The following PSME4 variants were observed in gnomAD, a reference collection of about 807,000 sequenced individuals.
The protein encoded by PSME4 is proteasome activator complex subunit 4.
PSME4 carries 89 observed loss-of-function variants against 253.9 expected under a neutral mutation model. The ratio of observed to expected loss-of-function variants is 0.35; its 90% confidence interval spans 0.30 to 0.42. PSME4 has a LOEUF of 0.42. Ranked by LOEUF, PSME4 falls within the 10% of genes least tolerant of loss-of-function variation. The pLI, the probability that PSME4 is intolerant of heterozygous loss-of-function variation, is 1.00. For synonymous variants in PSME4, 851 were observed against 759.2 expected (o/e 1.12, Z -1.99); for missense variants, 2,014 against 2,195.2 (o/e 0.92, Z 1.65).
intron 18 of PSME4, among the ~76,000 whole-genome samples, chr2:53,920,593 AC>A (rs772848239): frequency 1.3e-5 from 2 of 152,234 alleles, no homozygotes. Flanking sequence ...TAAGAGTGAT[AC>A]TGTAAGAGTG....
intron 1 of PSME4, among the ~76,000 whole-genome samples, chr2:53,952,969 T>C (rs1033732079): frequency 1.3e-5 from 2 of 152,332 alleles, no homozygotes; most frequent in African/African-American, 2.4e-5. Flanking sequence ...GACAACTGTA[T>C]ATTTAACATT....
intron 9 of PSME4, 110 bp downstream of exon 9, chr2:53,932,557 TA>T: frequency 1.1e-6 from 1 of 885,820 alleles, no homozygotes; most frequent in Non-Finnish European, 1.9e-6. Flanking sequence ...TACATATAGC[TA>T]AAGCTATGAA....
chr2:53,922,576 C>G lies in PSME4; in HGVS notation c.1987G>C (p.Val663Leu), dbSNP rs770492952. The change falls in exon 17 of 47, where the codon GTA (valine) becomes CTA (leucine). Residue 663 changes from valine to leucine, a missense_variant. Val to Leu is a conservative substitution (Grantham distance 32). This residue lies in a region of PSME4 where 989 missense variants were observed against 1,021.1 expected (regional missense o/e 0.97). Coordinates refer to ENST00000404125, the MANE Select transcript of PSME4 (RefSeq NM_014614.3). Reference protein sequence around the residue: ...VITQLTMNDDVLNDEELDKEL... With the variant: ...VITQLTMNDDLLNDEELDKEL... ...TTGTCTAGCTCTTCATCATTTAATA[C>G]ATCATCATCTAAAAACAGCAAAATA... The G allele has an allele frequency of 6.2e-7, 1 of 1,612,236 alleles. No homozygotes were observed. Among genetic ancestry groups the G allele is most frequent in the Non-Finnish European group, 8.5e-7 (1 of 1,179,366 alleles).
At position 53,948,512 on chromosome 2, in the gene PSME4, C is replaced by A; in HGVS notation, c.409G>T (p.Asp137Tyr). 6.2e-7 allele frequency: 1 copy of A among 1,612,770 alleles called. No individual in the cohort carries two copies. Among genetic ancestry groups the A allele is most frequent in the South Asian group, 1.1e-5 (1 of 91,030 alleles). ...AGTGGTCTCCAGGGTAACTCCAAAT[C>A]AGCTCTTGAAAGAAGTTCCTTTTTC... The part of the protein sequence containing the change: ...LKKKELLSRA[D>Y]LELPWRPLYD... The change falls in exon 3 of 47, where the codon GAT becomes TAT. Residue 137 changes from aspartate to tyrosine, a missense_variant. By Grantham distance (160) the Asp-to-Tyr change is radical (BLOSUM62 -3). Transcript: ENST00000404125.
At chr2:53,874,196 G>T in intron 43 of PSME4, 143 bp downstream of exon 43, 1 of 797,396 alleles carries the variant, frequency 1.3e-6, no homozygotes, top group African/African-American at 1.7e-5. Context: ...CTGGCATCAA[G>T]TGATCTCACT....
At chr2:53,895,779 G>A (rs749133925) in intron 32 of PSME4, 43 bp from the exon 33 acceptor site, 10 of 1,502,222 alleles carry the variant, frequency 6.7e-6, no homozygotes, top group Middle Eastern at 1.8e-4. Flanking sequence ...AAAAATATTC[G>A]CCCAACAATT....
At chr2:53,872,726 A>G (rs867947580) in intron 43 of PSME4, among the ~76,000 whole-genome samples, 2 of 137,742 alleles carry the variant, frequency 1.5e-5, no homozygotes, top group Non-Finnish European at 3.1e-5. Flanking sequence ...TGGACAACAA[A>G]GCAAGACTTG....
At chr2:53,898,240 G>C in intron 30 of PSME4, 61 bp downstream of exon 30, 1 of 1,456,732 alleles carries the variant, frequency 6.9e-7, no homozygotes, top group Non-Finnish European at 9.4e-7. Flanking sequence ...CTTCCATGTA[G>C]AAAACTCCTA....
chr2:53,892,723 C>G, intron 36 of PSME4, 85 bp downstream of exon 36: 1 of 1,201,360 alleles, frequency 8.3e-7, no homozygotes, highest in South Asian at 1.7e-5. Context: ...TTTTAATTAT[C>G]AGTATCTAAT....
intron 4 of PSME4, among the ~76,000 whole-genome samples, chr2:53,938,297 G>C (rs1294513259): frequency 6.6e-6 from 1 of 152,094 alleles, no homozygotes; most frequent in Non-Finnish European, 1.5e-5. Context: ...GGAACACAGA[G>C]TCCTCCCCTA....
At chr2:53,882,017 A>G (rs1679411557) in intron 41 of PSME4, among the ~76,000 whole-genome samples, 1 of 151,640 alleles carries the variant, frequency 6.6e-6, no homozygotes, top group Non-Finnish European at 1.5e-5. Flanking sequence ...AAGTTTATAT[A>G]TAGATATATA....
At chr2:53,903,648 C>T (rs1680513934) in intron 27 of PSME4, among the ~76,000 whole-genome samples, 1 of 152,094 alleles carries the variant, frequency 6.6e-6, no homozygotes, top group Non-Finnish European at 1.5e-5. Context: ...TCTTTCATCC[C>T]TCTCTCCCAT....
At position 53,940,066 on chromosome 2, in the gene PSME4, T is replaced by G. The variant is rs1669319429; in HGVS notation, c.501-66A>C. 9.3e-6 allele frequency: 11 copies of G among 1,183,822 alleles called. No homozygotes were observed. The South Asian group carries it at 1.7e-4, about 18-fold the overall frequency. The allele number at this position is 1,183,822 out of a possible 1,614,324, so 73.3% of individuals were successfully genotyped here. ...TTAAGAACATATCTAATTCAATTAA[T>G]AAATATCTATAAGATAACCTCACAC... On this transcript the variant is annotated intron_variant, in intron 3 of 46. Coordinates refer to ENST00000404125, the MANE Select transcript of PSME4 (RefSeq NM_014614.3).
Position 53,943,730 on chromosome 2 carries a change from T to A in PSME4, c.501-3730A>T, listed in dbSNP as rs190788509. Reference sequence around the variant, plus strand: ...GGTGGCGCACACCTGTAATCCCAGCTACTCAGGAGACTGAGGCAGAAGAAT... The same window carrying A: ...GGTGGCGCACACCTGTAATCCCAGCAACTCAGGAGACTGAGGCAGAAGAAT... On this transcript the variant is annotated intron_variant, in intron 3 of 46. Coordinates refer to ENST00000404125, the MANE Select transcript of PSME4 (RefSeq NM_014614.3). Among the ~76,000 whole-genome samples the A allele has an allele frequency of 9.2e-4, 139 of 150,688 alleles. 1 individual carries two copies. The highest frequency in any genetic ancestry group is 4.6e-3 in the South Asian group (22 of 4,790).
rs1558665638 is a variant in PSME4 at position 53,901,472 on chromosome 2, C to T, written c.3163G>A (p.Ala1055Thr). ...TGGCTAAGCCCTGAAGAAACAATCGCTGGCCACGTCTGTACAATACAGTCC... is the reference window on the plus strand; with the variant it reads ...TGGCTAAGCCCTGAAGAAACAATCGTTGGCCACGTCTGTACAATACAGTCC... ...DWDCIVQTWPAIVSSGLSQAM... is the reference protein window; with the variant it reads ...DWDCIVQTWPTIVSSGLSQAM... Residue 1055 changes from alanine to threonine, a missense_variant, in exon 28 of 47, where the codon GCG (alanine) becomes ACG (threonine). Physicochemically the swap from Ala to Thr is moderately conservative, Grantham distance 58 (BLOSUM62 0). Around this residue, in one of 4 missense-constraint regions of PSME4, gnomAD observed 989 missense variants for 1,021.1 expected, o/e 0.97. Coordinates refer to ENST00000404125, the MANE Select transcript of PSME4 (RefSeq NM_014614.3). 1 of 1,614,054 alleles carries T rather than the reference C, an allele frequency of 6.2e-7. No homozygotes were observed. Among genetic ancestry groups the T allele is most frequent in the East Asian group, 2.2e-5 (1 of 44,884 alleles).
rs756287888 is a variant in PSME4 at position 53,892,937 on chromosome 2, A to T, written c.4062T>A (p.Asp1354Glu). The change falls in exon 36 of 47, where the codon GAT (aspartate) becomes GAA (glutamate). Residue 1354 changes from aspartate to glutamate, a missense_variant. Asp to Glu is a conservative substitution (Grantham distance 45). Coordinates refer to ENST00000404125, the MANE Select transcript of PSME4 (RefSeq NM_014614.3). ...LFKGIFRNFD[D>E]AFLPVLKPHL... ...GGGGCTTCAGAACTGGCAGGAAGGC[A>T]TCATCAAAATTCCTGAATATACCCT... The T allele has an allele frequency of 9.3e-6, 15 of 1,613,266 alleles. No homozygotes were observed. In the South Asian group the frequency reaches 1.5e-4, roughly 17 times the overall value.
intron 20 of PSME4, among the ~76,000 whole-genome samples, chr2:53,917,004 T>C (rs1668090547): frequency 6.6e-6 from 1 of 151,740 alleles, no homozygotes; most frequent in East Asian, 1.9e-4. Context: ...AAAATACGTA[T>C]TATTCAATTA....
In PSME4 at chr2:53,920,337, G is replaced by A; in HGVS notation, c.2276C>T (p.Pro759Leu). Residue 759 changes from proline (P) to leucine (L), a missense_variant, in exon 19 of 47, where the codon CCC becomes CTC. By Grantham distance (98) the Pro-to-Leu change is moderately conservative. Around this residue, in one of 4 missense-constraint regions of PSME4, gnomAD observed 989 missense variants for 1,021.1 expected, o/e 0.97. Coordinates refer to ENST00000404125, the MANE Select transcript of PSME4 (RefSeq NM_014614.3). ...EYFPIKDWGK[P>L]GDLWNLGIQW... ...GATTCCCAGATTCCACAAGTCCCCG[G>A]GTTTGCCCCAGTCCTAGAAGAGAAC... is the stretch of plus-strand genomic sequence containing the variant. The A allele has an allele frequency of 6.2e-7, 1 of 1,612,322 alleles. No homozygotes were observed. The highest frequency in any genetic ancestry group is 1.3e-5 in the African/African-American group (1 of 74,960).
chr2:53,908,748 A>T, intron 22 of PSME4, 36 bp downstream of exon 22: 1 of 1,519,506 alleles, frequency 6.6e-7, no homozygotes. Flanking sequence ...TACTTATTCC[A>T]AAGTACAAAT....
Sources: gnomAD v4.1 joint callset for allele counts (sites outside exome capture counted in the v4.1 genomes callset) on GRCh38, gnomAD v4.1.1 for gene constraint, gnomAD v4.1.1 regional missense constraint, MANE v1.5 for transcripts, NCBI Gene and HGNC (gene_info 2026-07-23, HGNC 2026-07-21) for gene names.